ZGRF1: variants seen among roughly 807,000 people sequenced by gnomAD.
ZGRF1 encodes the protein 5'-3' DNA helicase ZGRF1.
Under a neutral mutation model 203.5 loss-of-function variants are expected in ZGRF1, and 196 were observed. The observed-to-expected ratio is 0.96, with a 90% CI of 0.86 to 1.08. ZGRF1 has a LOEUF of 1.08. ZGRF1 is among the 50% of genes least tolerant of loss of function. ZGRF1 has a pLI of 0.00. For missense variants in ZGRF1, 2,326 were observed against 2,416.3 expected (o/e 0.96, Z 0.78); for synonymous variants, 809 against 841.3 (o/e 0.96, Z 0.66).
intron 9 of ZGRF1, chr4:112,605,496 A>G (rs1750638409): frequency 6.5e-6 from 1 of 152,736 alleles, no homozygotes; most frequent in Non-Finnish European, 1.5e-5. Context: ...TGCCATGTAG[A>G]TCTCTTCCAG....
intron 27 of ZGRF1, 69 bp downstream of exon 27, chr4:112,539,794 C>A (rs1197361653): frequency 6.3e-7 from 1 of 1,587,464 alleles, no homozygotes; most frequent in African/African-American, 1.3e-5. Context: ...GCTTGAAGCA[C>A]CCCAAGCATT....
At chr4:112,629,981 T>C in intron 3 of ZGRF1, 1 of 263,632 alleles carries the variant, frequency 3.8e-6, no homozygotes. Context: ...ACTGTGCCAC[T>C]GCACTCCAGC....
intron 20 of ZGRF1, among the ~76,000 whole-genome samples, chr4:112,556,643 C>G (rs1466004369): frequency 6.6e-6 from 1 of 152,160 alleles, no homozygotes; most frequent in Non-Finnish European, 1.5e-5. Context: ...ATCTGCCCAC[C>G]TCAGCCTCCC....
intron 22 of ZGRF1, among the ~76,000 whole-genome samples, chr4:112,549,718 C>T (rs189887724): frequency 3.8e-4 from 58 of 151,818 alleles, no homozygotes; most frequent in South Asian, 8.3e-4. Context: ...ACCATTTTAG[C>T]GGTTTATACA....
Position 112,562,438 on chromosome 4 carries a change from TAGTC to T in ZGRF1, c.4626_4629del (p.Thr1543LeufsTer2). The T allele has an allele frequency of 6.2e-7, 1 of 1,610,320 alleles. No homozygotes were observed. Among genetic ancestry groups the T allele is most frequent in the Non-Finnish European group, 8.5e-7 (1 of 1,177,944 alleles). On this transcript the variant is annotated frameshift_variant, in exon 18 of 28. Transcript: ENST00000505019. LOFTEE classifies it high-confidence loss of function. ...AAGTAGTCCTGAATGTTTTTCAAAG[TAGTC>T]AGTTCTGTGCTAGCATTACAAACCA...
intron 16 of ZGRF1, among the ~76,000 whole-genome samples, chr4:112,564,762 C>T (rs1742686198): frequency 6.6e-6 from 1 of 151,928 alleles, no homozygotes; most frequent in Non-Finnish European, 1.5e-5. Context: ...TCTAAAAATC[C>T]AACCACTTCA....
Position 112,623,893 on chromosome 4 carries a change from T to A in ZGRF1, c.103-17A>T, listed in dbSNP as rs748861664. The A allele has an allele frequency of 2.1e-6, 3 of 1,414,254 alleles. No homozygotes were observed. Among genetic ancestry groups the A allele is most frequent in the Non-Finnish European group, 2.0e-6 (2 of 1,012,424 alleles). 87.6% of individuals were successfully genotyped at this position (1,414,254 alleles called of 1,614,324 possible). A position where few individuals can be genotyped will look rare whatever the true frequency, so the allele number is the denominator to read the frequency against. On this transcript the variant is annotated splice_polypyrimidine_tract_variant and intron_variant, in intron 3 of 27. Coordinates refer to ENST00000505019, the MANE Select transcript of ZGRF1 (RefSeq NM_018392.5). ...TAAAATTGCCTGTATGAAAACAAAATAAATGTTAAAAAGGAACAACACAAT... is the reference window on the plus strand; with the variant it reads ...TAAAATTGCCTGTATGAAAACAAAAAAAATGTTAAAAAGGAACAACACAAT...
chr4:112,605,957 G>A (rs1750713296), intron 9 of ZGRF1, 51 bp downstream of exon 9: 5 of 1,195,996 alleles, frequency 4.2e-6, no homozygotes, highest in Non-Finnish European at 6.1e-6. Flanking sequence ...GTTTTAAACA[G>A]AAAAGAAAAT....
chr4:112,571,284 T>C (rs1578315415), intron 16 of ZGRF1, among the ~76,000 whole-genome samples: 1 of 151,802 alleles, frequency 6.6e-6, no homozygotes. Flanking sequence ...ATAACAACAA[T>C]AAAAACAAAA....
At chr4:112,585,518 A>C in intron 14 of ZGRF1, 23 bp downstream of exon 14, 1 of 1,590,612 alleles carries the variant, frequency 6.3e-7, no homozygotes, top group Non-Finnish European at 8.6e-7. Context: ...TTGGTATGGT[A>C]GGGGGAGGGG....
intron 20 of ZGRF1, among the ~76,000 whole-genome samples, chr4:112,555,010 C>T (rs1305766220): frequency 6.6e-6 from 1 of 152,132 alleles, no homozygotes; most frequent in Non-Finnish European, 1.5e-5. Flanking sequence ...TGAAGGCTCA[C>T]TAAATGTTCA....
At chr4:112,558,079 G>T in intron 20 of ZGRF1, 71 bp downstream of exon 20, 1 of 1,235,798 alleles carries the variant, frequency 8.1e-7, no homozygotes. Context: ...GACACTCAGG[G>T]CCCATAGTGG....
chr4:112,554,627 A>G, intron 21 of ZGRF1, 78 bp downstream of exon 21: 1 of 707,868 alleles, frequency 1.4e-6, no homozygotes, highest in Non-Finnish European at 2.5e-6. Flanking sequence ...TCAAAAATCA[A>G]ACTTAAGGTA....
rs771730607 is a variant in ZGRF1 at position 112,549,113 on chromosome 4, C to CAAA, written c.5347-736_5347-734dup. Among the ~76,000 whole-genome samples, 2 of 16,818 alleles carry CAAA rather than the reference C, an allele frequency of 1.2e-4. 1 individual carries two copies. The highest frequency in any genetic ancestry group is 2.1e-4 in the Non-Finnish European group (2 of 9,476). The allele number at this position is 16,818 out of a possible 152,430, so 11.0% of individuals were successfully genotyped here. On this transcript the variant is annotated intron_variant, in intron 22 of 27. Coordinates refer to ENST00000505019, the MANE Select transcript of ZGRF1 (RefSeq NM_018392.5). ...TGGGCGACAGAGCGAGACTCCGTCT[C>CAAA]AAAAAAAAAAAAAAAAATGTAAAGA...
intron 16 of ZGRF1, among the ~76,000 whole-genome samples, chr4:112,566,711 G>A (rs1743164333): frequency 6.6e-6 from 1 of 152,004 alleles, no homozygotes; most frequent in African/African-American, 2.4e-5. Context: ...AGAAAACCAT[G>A]GAAAACCTCG....
Position 112,581,245 on chromosome 4 carries a change from AG to A in ZGRF1, c.4438+417del, listed in dbSNP as rs1746189500. On this transcript the variant is annotated intron_variant, in intron 16 of 27. Coordinates refer to ENST00000505019, the MANE Select transcript of ZGRF1 (RefSeq NM_018392.5). ...CTGAACAATGAGAACACATGGACAC[AG>A]GAAGGGGAACATCACACACTGGGGC... Among the ~76,000 whole-genome samples the A allele has an allele frequency of 2.3e-5, 3 of 128,260 alleles. No individual in the cohort carries two copies. In the South Asian group the frequency reaches 7.4e-4, roughly 32 times the overall value. The allele number at this position is 128,260 out of a possible 152,430, so 84.1% of individuals were successfully genotyped here.
rs2047595533 is a variant in ZGRF1, at chr4:112,635,789, C to G, written c.-67+1062G>C. 2.6e-5 allele frequency among the ~76,000 whole-genome samples: 4 copies of G among 151,598 alleles called. No homozygotes were observed. The South Asian group carries it at 8.3e-4, about 31-fold the overall frequency. ...GAAGAATAAGCATTATTACAATTTA[C>G]AGATTAGGAACCCAGTATTTACTAG... On this transcript the variant is annotated intron_variant, in intron 1 of 27. Coordinates refer to ENST00000505019, the MANE Select transcript of ZGRF1 (RefSeq NM_018392.5).
intron 20 of ZGRF1, among the ~76,000 whole-genome samples, chr4:112,556,481 C>G (rs888937383): frequency 6.6e-6 from 1 of 152,150 alleles, no homozygotes; most frequent in Non-Finnish European, 1.5e-5. Flanking sequence ...ACCTCCACTC[C>G]TGGGTTCCAG....
chr4:112,610,914 T>C (rs1425831152), intron 7 of ZGRF1: 2 of 300,568 alleles, frequency 6.7e-6, no homozygotes, highest in East Asian at 2.6e-4. Context: ...AAACTATTTA[T>C]ATACATCAAT....
Sources: allele counts gnomAD v4.1 joint callset (sites outside exome capture counted in the v4.1 genomes callset), GRCh38; gene constraint gnomAD v4.1.1; transcripts MANE v1.5; gene names NCBI Gene and HGNC (gene_info 2026-07-23, HGNC 2026-07-21).